The following DOCK4 variants were observed in gnomAD, a reference collection of about 807,000 sequenced individuals.
DOCK4 encodes dedicator of cytokinesis 4.
DOCK4 carries 97 observed loss-of-function variants against 268.1 expected under a neutral mutation model. The observed-to-expected ratio is 0.36, with a 90% CI of 0.31 to 0.43. The LOEUF is 0.43. Ranked by LOEUF, DOCK4 falls within the 20% of genes least tolerant of loss-of-function variation. DOCK4 has a pLI of 1.00. For missense variants in DOCK4, 2,145 were observed against 2,455.7 expected, an observed-to-expected ratio of 0.87 and a Z score of 2.67; for synonymous variants, 954 against 887.2, an observed-to-expected ratio of 1.08 and a Z score of -1.34.
chr7:112,201,054 T>C (rs181148865), intron 1 of DOCK4, among the ~76,000 whole-genome samples: 68 of 152,308 alleles, frequency 4.5e-4, no homozygotes, highest in East Asian at 2.5e-3. Context: ...AGATACATCA[T>C]AGGACCACTA....
intron 15 of DOCK4, among the ~76,000 whole-genome samples, chr7:111,898,364 C>T (rs925084716): frequency 6.6e-6 from 1 of 152,174 alleles, no homozygotes; most frequent in African/African-American, 2.4e-5. Flanking sequence ...TCCTTATAAG[C>T]GAAGTCTTTC....
intron 1 of DOCK4, among the ~76,000 whole-genome samples, chr7:112,158,510 G>A (rs1816814626): frequency 6.6e-6 from 1 of 152,010 alleles, no homozygotes; most frequent in African/African-American, 2.4e-5. Context: ...GAACTGATAA[G>A]GTTCATAAAA....
At chr7:111,864,746 G>A (rs528075924) in intron 22 of DOCK4, among the ~76,000 whole-genome samples, 8 of 152,016 alleles carry the variant, frequency 5.3e-5, no homozygotes, top group South Asian at 2.1e-4. Flanking sequence ...GATATTCTCC[G>A]TTACAGCCTG....
At chr7:112,035,037 A>C (rs1803630385) in intron 1 of DOCK4, among the ~76,000 whole-genome samples, 2 of 152,220 alleles carry the variant, frequency 1.3e-5, no homozygotes, top group South Asian at 4.1e-4. Flanking sequence ...AGTCCTGGAC[A>C]CACGGAGATG....
At chr7:111,742,561 CCACA>C (rs1379101446) in intron 44 of DOCK4, among the ~76,000 whole-genome samples, 6 of 152,156 alleles carry the variant, frequency 3.9e-5, no homozygotes, top group Non-Finnish European at 1.5e-5. Context: ...CCCTCTCCCC[CCACA>C]TTTCCCTCTC....
At chr7:112,002,540 A>G (rs1800510154) in intron 2 of DOCK4, among the ~76,000 whole-genome samples, 1 of 152,228 alleles carries the variant, frequency 6.6e-6, no homozygotes, top group East Asian at 1.9e-4. Context: ...CAGTGGACAG[A>G]ATAAACATTC....
intron 1 of DOCK4, among the ~76,000 whole-genome samples, chr7:112,159,382 C>A (rs1816888907): frequency 1.3e-5 from 2 of 152,208 alleles, no homozygotes; most frequent in Middle Eastern, 3.4e-3. Flanking sequence ...TGTCCACCAC[C>A]TTTATCACCA....
Position 111,905,085 on chromosome 7 carries a change from C to T in DOCK4, c.1193-3284G>A, listed in dbSNP as rs550529575. Among the ~76,000 whole-genome samples, 24 of 152,320 alleles carry T rather than the reference C, an allele frequency of 1.6e-4. 1 individual carries two copies. The South Asian group carries it at 4.3e-3, about 28-fold the overall frequency. On this transcript the variant is annotated intron_variant, in intron 13 of 52. Transcript: ENST00000428084. ...CTCTCCCCAGGAATTTTACAGCTTG[C>T]TTATGTTCCAATTTTGCAAGGTGCC...
intron 27 of DOCK4, among the ~76,000 whole-genome samples, chr7:111,813,988 G>A (rs1462398100): frequency 6.6e-6 from 1 of 152,132 alleles, no homozygotes; most frequent in Non-Finnish European, 1.5e-5. Flanking sequence ...GATGTTCAAC[G>A]AGAAATACAC....
At chr7:112,197,963 C>A (rs1311367578) in intron 1 of DOCK4, among the ~76,000 whole-genome samples, 9 of 121,398 alleles carry the variant, frequency 7.4e-5, no homozygotes, top group Non-Finnish European at 1.5e-4. Flanking sequence ...TAAGCCTGAC[C>A]TGCCTAGAAA....
intron 1 of DOCK4, among the ~76,000 whole-genome samples, chr7:112,187,703 A>T (rs983700779): frequency 1.3e-5 from 2 of 152,206 alleles, no homozygotes; most frequent in African/African-American, 4.8e-5. Flanking sequence ...ATTAATAGTC[A>T]TAATTTTTTC....
chr7:112,023,131 G>A (rs1802476923), intron 1 of DOCK4, among the ~76,000 whole-genome samples: 1 of 152,158 alleles, frequency 6.6e-6, no homozygotes, highest in Non-Finnish European at 1.5e-5. Context: ...GTTTCACCAT[G>A]CTGGCCAGGC....
At chr7:111,802,607 T>TCCGG (rs1800385770) in intron 30 of DOCK4, among the ~76,000 whole-genome samples, 2 of 152,336 alleles carry the variant, frequency 1.3e-5, no homozygotes, top group South Asian at 4.1e-4. Flanking sequence ...CTTTAGTCTT[T>TCCGG]CCGGAGCCTG....
chr7:112,080,843 G>A (rs1268184483), intron 1 of DOCK4, among the ~76,000 whole-genome samples: 1 of 152,156 alleles, frequency 6.6e-6, no homozygotes, highest in East Asian at 1.9e-4. Flanking sequence ...CTGTGAACTA[G>A]CAACTGGATG....
chr7:111,859,558 GTTAATTTTTT>G (rs1805306634), intron 23 of DOCK4, among the ~76,000 whole-genome samples: 1 of 141,976 alleles, frequency 7.0e-6, no homozygotes, highest in African/African-American at 2.7e-5. Flanking sequence ...GTACGTGTGT[GTTAATTTTTT>G]TTTTTTTTTT....
intron 1 of DOCK4, among the ~76,000 whole-genome samples, chr7:112,123,546 C>A (rs1018528111): frequency 6.6e-6 from 1 of 152,140 alleles, no homozygotes; most frequent in African/African-American, 2.4e-5. Flanking sequence ...ATCATTCAAG[C>A]AAAGAACAGA....
chr7:111,813,960 G>A (rs754960053), intron 27 of DOCK4, among the ~76,000 whole-genome samples: 8 of 152,158 alleles, frequency 5.3e-5, no homozygotes, highest in Non-Finnish European at 7.3e-5. Context: ...GTGGTTATAA[G>A]CACAAACTTT....
intron 1 of DOCK4, among the ~76,000 whole-genome samples, chr7:112,199,203 T>C (rs1264237902): frequency 1.3e-5 from 2 of 152,186 alleles, no homozygotes; most frequent in African/African-American, 4.8e-5. Flanking sequence ...CTCAATTTCC[T>C]GTGAAATATG....
At chr7:111,735,202 C>A in intron 50 of DOCK4, 35 bp from the exon 51 acceptor site, 1 of 1,376,730 alleles carries the variant, frequency 7.3e-7, no homozygotes, top group Non-Finnish European at 9.8e-7. Flanking sequence ...AACACACGGT[C>A]CAGCTTTGCC....
Sources: gnomAD v4.1 joint callset for allele counts (sites outside exome capture counted in the v4.1 genomes callset) on GRCh38, gnomAD v4.1.1 for gene constraint, MANE v1.5 for transcripts, NCBI Gene and HGNC (gene_info 2026-07-23, HGNC 2026-07-21) for gene names.